TIAM2: variants seen among roughly 807,000 people sequenced by gnomAD.
TIAM2 encodes the protein TIAM Rac1 associated GEF 2.
A neutral mutation model predicts 152.9 loss-of-function variants in TIAM2; 80 were observed. The ratio of observed to expected loss-of-function variants is 0.52; its 90% CI spans 0.44 to 0.63. TIAM2 has a LOEUF of 0.63. Among genes scored for constraint, TIAM2 ranks in the 30% least tolerant of loss-of-function variants. TIAM2 has a pLI of 0.00. For missense variants in TIAM2, 1,965 were observed against 2,120.1 expected (o/e 0.93, Z 1.44); for synonymous variants, 804 against 838.0 (o/e 0.96, Z 0.70).
At chr6:155,148,379 C>T in intron 7 of TIAM2, 45 bp downstream of exon 7, 3 of 1,559,612 alleles carry the variant, frequency 1.9e-6, no homozygotes, top group Non-Finnish European at 2.6e-6. Flanking sequence ...GCTCATGTCA[C>T]TTGTGCAGTG....
chr6:155,076,755 A>G (rs1298455624), intron 1 of TIAM2, among the ~76,000 whole-genome samples: 1 of 152,096 alleles, frequency 6.6e-6, no homozygotes, highest in Admixed American at 6.6e-5. Flanking sequence ...GTGCAGTGGC[A>G]CGTGATTGTG....
At chr6:155,037,758 G>T (rs1776949489) in intron 1 of TIAM2, among the ~76,000 whole-genome samples, 1 of 152,120 alleles carries the variant, frequency 6.6e-6, no homozygotes. Context: ...TTGAACTCCT[G>T]ACCTCAAGTG....
chr6:155,229,519 C>T (rs1334706143), intron 15 of TIAM2, among the ~76,000 whole-genome samples: 1 of 152,208 alleles, frequency 6.6e-6, no homozygotes, highest in Non-Finnish European at 1.5e-5. Context: ...TAGCCATGAT[C>T]ACACAGCTGG....
At chr6:155,177,899 G>C (rs944606507) in intron 10 of TIAM2, among the ~76,000 whole-genome samples, 3 of 152,116 alleles carry the variant, frequency 2.0e-5, no homozygotes. Flanking sequence ...GGTCAGCTGG[G>C]AGCAGTGGCT....
intron 1 of TIAM2, among the ~76,000 whole-genome samples, chr6:155,036,414 G>GT (rs1028944189): frequency 1.3e-5 from 2 of 150,676 alleles, no homozygotes; most frequent in African/African-American, 4.9e-5. Flanking sequence ...CACGCCTGTA[G>GT]TCCCAGCTAC....
In TIAM2 at chr6:155,186,665, TCTC is replaced by T. The variant is rs1198905465; in HGVS notation, c.3064+3176_3064+3178del. Among the ~76,000 whole-genome samples the T allele has an allele frequency of 2.6e-5, 4 of 152,164 alleles. No homozygotes were observed. Among genetic ancestry groups the T allele is most frequent in the African/African-American group, 7.2e-5 (3 of 41,442 alleles). On this transcript the variant is annotated intron_variant, in intron 14 of 26. Coordinates refer to ENST00000682666, the MANE Select transcript of TIAM2 (RefSeq NM_012454.4). The surrounding 1 kb of genome is among the most constrained non-coding windows in gnomAD (Gnocchi z 4.5). ...TTGGCAGGAATTCTGAAAACGTGCT[TCTC>T]CTCCTCCTCCCTCGCTTTTGCAGCT...
In TIAM2 at chr6:155,202,445, G is replaced by T. The variant is rs1781493709; in HGVS notation, c.3065-8759G>T. On this transcript the variant is annotated intron_variant, in intron 14 of 26. Transcript: ENST00000682666. The stretch of plus-strand genomic sequence containing the variant: ...TAGAAGAAATTGTTTTAAAAGCAAG[G>T]TCTCACTCTGTCGCCTAGGCTGGAG... 2.0e-5 allele frequency among the ~76,000 whole-genome samples: 3 copies of T among 152,260 alleles called. No homozygotes were observed. The South Asian group carries it at 6.2e-4, about 32-fold the overall frequency.
Position 155,153,702 on chromosome 6 carries a change from AC to A in TIAM2, c.2028+5370del, listed in dbSNP as rs1381083401. On this transcript the variant is annotated intron_variant, in intron 7 of 26. Transcript: ENST00000682666. ...AGTGGCGCAATCTCAGCTCACTGCA[AC>A]CTCCACCTGCTGGATTCAAGCAATT... 2.1e-5 allele frequency among the ~76,000 whole-genome samples: 3 copies of A among 144,482 alleles called. No individual in the cohort carries two copies. The East Asian group carries it at 6.2e-4, about 30-fold the overall frequency. 94.8% of individuals were successfully genotyped at this position (144,482 alleles called of 152,430 possible). A position where few individuals can be genotyped will look rare whatever the true frequency, so the allele number is the denominator to read the frequency against.
intron 20 of TIAM2, among the ~76,000 whole-genome samples, chr6:155,248,391 G>C (rs961209131): frequency 6.6e-6 from 1 of 152,216 alleles, no homozygotes; most frequent in Non-Finnish European, 1.5e-5. Context: ...AAAATACTTG[G>C]GTAGAAATGA....
chr6:155,204,376 C>A (rs1256580002), intron 14 of TIAM2, among the ~76,000 whole-genome samples: 1 of 152,014 alleles, frequency 6.6e-6, no homozygotes, highest in Non-Finnish European at 1.5e-5. Context: ...AAGCTTGGGA[C>A]AAGGCCTGTA....
chr6:155,253,758 G>A, intron 24 of TIAM2: 1 of 495,714 alleles, frequency 2.0e-6, no homozygotes, highest in Non-Finnish European at 3.5e-6. Context: ...TTCAGATGGA[G>A]GAAAATCTGC....
intron 1 of TIAM2, among the ~76,000 whole-genome samples, chr6:155,070,209 C>CTTTTTTTTTTTTTTTTTT (rs559307371): frequency 4.5e-5 from 2 of 44,126 alleles, no homozygotes; most frequent in African/African-American, 1.2e-4. Context: ...CCTGGCCAGA[C>CTTTTTTTTTTTTTTTTTT]TTTTTTTTTT....
At position 155,148,121 on chromosome 6, in the gene TIAM2, G is replaced by A. The variant is rs1779859260; in HGVS notation, c.1815G>A (p.Gln605=). 1.9e-6 allele frequency: 3 copies of A among 1,613,810 alleles called. No individual in the cohort carries two copies. The African/African-American group carries it at 4.0e-5, about 22-fold the overall frequency. Residue 605 remains glutamine (Q), a synonymous_variant, in exon 7 of 27, where the codon CAG becomes CAA. Transcript: ENST00000682666. ...CTCCCTGTGTGTAGGCCACCAGCCA[G>A]ACAGATCTAGAAAACTGGGTCACTG... is the stretch of plus-strand genomic sequence containing the variant. ...GDVYLFQATS[Q]TDLENWVTAV...
At chr6:155,018,649 A>C (rs1583152515) in intron 1 of TIAM2, among the ~76,000 whole-genome samples, 3 of 84,140 alleles carry the variant, frequency 3.6e-5, no homozygotes, top group Admixed American at 1.5e-4. Flanking sequence ...CATGACTCAC[A>C]TTTCTCTCTC....
At chr6:155,099,022 T>C (rs1778486948) in intron 2 of TIAM2, among the ~76,000 whole-genome samples, 1 of 152,148 alleles carries the variant, frequency 6.6e-6, no homozygotes, top group Non-Finnish European at 1.5e-5. Flanking sequence ...ACTCCATCTT[T>C]ACTAAAAATA....
intron 7 of TIAM2, among the ~76,000 whole-genome samples, chr6:155,152,224 C>G (rs1354988173): frequency 6.6e-6 from 1 of 152,154 alleles, no homozygotes; most frequent in Non-Finnish European, 1.5e-5. Context: ...ATTTAAACTC[C>G]AAAGTACAAA....
intron 2 of TIAM2, among the ~76,000 whole-genome samples, chr6:155,120,361 T>A (rs55843561): frequency 0.23 from 34,292 of 152,112 alleles, 7,051 homozygotes; most frequent in African/African-American, 0.55. Flanking sequence ...TGCTCACTTT[T>A]TTTGTAAGGA....
At position 155,156,436 on chromosome 6, in the gene TIAM2, C is replaced by G. The variant is rs1168973624; in HGVS notation, c.2029-7979C>G. On this transcript the variant is annotated intron_variant, in intron 7 of 26. Coordinates refer to ENST00000682666, the MANE Select transcript of TIAM2 (RefSeq NM_012454.4). The surrounding 1 kb of genome is among the most constrained non-coding windows in gnomAD (Gnocchi z 4.4). ...TTGGGAGGCCAAGGTGGGCGGATCACTTGAGGTCAGGAGTTCAAGACTAGC... is the reference window on the plus strand; with the variant it reads ...TTGGGAGGCCAAGGTGGGCGGATCAGTTGAGGTCAGGAGTTCAAGACTAGC... 6.6e-6 allele frequency among the ~76,000 whole-genome samples: 1 copy of G among 152,142 alleles called. No homozygotes were observed. Among genetic ancestry groups the G allele is most frequent in the Non-Finnish European group, 1.5e-5 (1 of 68,032 alleles).
chr6:155,225,644 A>G (rs773639037), intron 15 of TIAM2, among the ~76,000 whole-genome samples: 1 of 152,138 alleles, frequency 6.6e-6, no homozygotes, highest in Non-Finnish European at 1.5e-5. Flanking sequence ...ATTGATTTCT[A>G]TTTTTAAGAA....
Sources: gnomAD v4.1 joint callset for allele counts (sites outside exome capture counted in the v4.1 genomes callset) on GRCh38, gnomAD v4.1.1 for gene constraint, Gnocchi (gnomAD v3.1) non-coding constraint, MANE v1.5 for transcripts, NCBI Gene and HGNC (gene_info 2026-07-23, HGNC 2026-07-21) for gene names.